The following PRH1 variants were observed in gnomAD, a reference collection of about 807,000 sequenced individuals.
PRH1 encodes proline rich protein HaeIII subfamily 1, also known as salivary acidic proline-rich phosphoprotein 1/2.
In PRH1, 7 loss-of-function variants were observed where a neutral mutation model predicts 7.9. That is an observed-to-expected ratio of 0.89 (90% CI 0.50 to 1.67). The LOEUF (loss-of-function observed/expected upper bound fraction) is 1.67, where lower values mean the gene tolerates loss of function less well. Ranked by LOEUF, PRH1 falls within the 40% of genes most tolerant of loss-of-function variation. PRH1 has a pLI of 0.00. For missense variants in PRH1, 109 were observed against 223.6 expected, an observed-to-expected ratio of 0.49 and a Z score of 3.27; for synonymous variants, 45 against 80.8, an observed-to-expected ratio of 0.56 and a Z score of 2.38.
intron 1 of PRH1, among the ~76,000 whole-genome samples, chr12:11,111,423 G>A (rs780995418): frequency 6.6e-5 from 10 of 152,106 alleles, no homozygotes; most frequent in Non-Finnish European, 8.8e-5. Flanking sequence ...CTCAGCAAAT[G>A]CAAAACAAAA....
chr12:11,025,175 G>A (rs1227509195), intron 1 of PRH1, among the ~76,000 whole-genome samples: 5 of 152,010 alleles, frequency 3.3e-5, no homozygotes, highest in African/African-American at 4.8e-5. Context: ...CCGCCACCAC[G>A]CCAGGCTAAT....
intron 2 of PRH1, among the ~76,000 whole-genome samples, chr12:10,905,402 C>T (rs1011728674): frequency 1.3e-5 from 2 of 152,140 alleles, no homozygotes; most frequent in Non-Finnish European, 2.9e-5. Context: ...CACAGTGGCT[C>T]ATGCCTGTAA....
chr12:11,031,508 A>C, intron 1 of PRH1: 1 of 737,224 alleles, frequency 1.4e-6, no homozygotes. Flanking sequence ...AGCAAGGTTT[A>C]TTGAGAAGAG....
At position 10,912,442 on chromosome 12, in the gene PRH1, C is replaced by G. The variant is rs1381152653; in HGVS notation, c.-58-28167G>C. Reference sequence around the variant, plus strand: ...AATTTTTAATACCAACAGAATATATCCTTTAAATTCTTCATATTATTTGCT... The same window carrying G: ...AATTTTTAATACCAACAGAATATATGCTTTAAATTCTTCATATTATTTGCT... On this transcript the variant is annotated intron_variant, in intron 2 of 3. Coordinates refer to the PRH1 transcript ENST00000539853. Among the ~76,000 whole-genome samples the G allele has an allele frequency of 2.6e-5, 4 of 151,604 alleles. No homozygotes were observed. The East Asian group carries it at 7.7e-4, about 29-fold the overall frequency.
At chr12:10,976,943 A>T (rs1490090296) in intron 1 of PRH1, among the ~76,000 whole-genome samples, 1 of 152,168 alleles carries the variant, frequency 6.6e-6, no homozygotes, top group Non-Finnish European at 1.5e-5. Context: ...AACCAAAAAA[A>T]GCCCAGGACC....
chr12:10,896,759 T>TGAAA (rs1397563971), intron 2 of PRH1: 1 of 45,708 alleles, frequency 2.2e-5, no homozygotes, highest in Non-Finnish European at 6.4e-5. Flanking sequence ...GAGATCCGTC[T>TGAAA]CAAAAAAAAA....
At chr12:11,100,907 G>A (rs1396249035) in intron 1 of PRH1, among the ~76,000 whole-genome samples, 3 of 152,098 alleles carry the variant, frequency 2.0e-5, no homozygotes, top group Non-Finnish European at 2.9e-5. Flanking sequence ...CACAGGAATA[G>A]TATAGTGAAA....
intron 1 of PRH1, among the ~76,000 whole-genome samples, chr12:11,067,994 T>G (rs1426294219): frequency 6.6e-6 from 1 of 151,916 alleles, no homozygotes; most frequent in Non-Finnish European, 1.5e-5. Context: ...TAATTTTATA[T>G]GTAGGAATGT....
chr12:10,930,310 T>A (rs543930742), intron 2 of PRH1: 3 of 1,610,596 alleles, frequency 1.9e-6, no homozygotes, highest in South Asian at 1.1e-5. Context: ...ATCAGGTAAA[T>A]CCCAATAAAT....
rs149943905 is a variant in PRH1, at chr12:10,999,382, A to T, written c.-125-25661T>A. 1.7e-4 allele frequency among the ~76,000 whole-genome samples: 26 copies of T among 152,284 alleles called. No homozygotes were observed. The East Asian group carries it at 3.9e-3, about 23-fold the overall frequency. On this transcript the variant is annotated intron_variant, in intron 1 of 3. Transcript: ENST00000539853. ...GCATCTCAAATTTCTCCATTTTGCA[A>T]CTAAAATAAGAATTCACTTTAGCTC...
chr12:10,893,989 G>A (rs1949611456), intron 2 of PRH1, among the ~76,000 whole-genome samples: 1 of 151,860 alleles, frequency 6.6e-6, no homozygotes, highest in Non-Finnish European at 1.5e-5. Context: ...ATTCAATTCT[G>A]TAAACTGATT....
intron 1 of PRH1, among the ~76,000 whole-genome samples, chr12:11,141,506 T>G (rs1294872261): frequency 6.6e-6 from 1 of 152,196 alleles, no homozygotes; most frequent in Non-Finnish European, 1.5e-5. Context: ...AAGAGAGGAT[T>G]TTGGAGTCAG....
chr12:11,168,884 A>G (rs1947718550), intron 1 of PRH1, among the ~76,000 whole-genome samples: 1 of 152,270 alleles, frequency 6.6e-6, no homozygotes, highest in South Asian at 2.1e-4. Context: ...AAAATGGCTG[A>G]GAAAAATTAG....
In PRH1 at chr12:11,056,909, C is replaced by T. The variant is rs114280138; in HGVS notation, n.124-9721G>A. ...ACATACTATTTGTATAACTGCTTTCCATTTTACCTTTTTGCTATAGGCAGG... is the reference window on the plus strand; with the variant it reads ...ACATACTATTTGTATAACTGCTTTCTATTTTACCTTTTTGCTATAGGCAGG... On this transcript the variant is annotated intron_variant and non_coding_transcript_variant, in intron 1 of 4. Transcript: ENST00000541977. Among the ~76,000 whole-genome samples, 1,168 of 152,368 alleles carry T rather than the reference C, an allele frequency of 7.7e-3. 13 individuals carry two copies. Among genetic ancestry groups the T allele is most frequent in the African/African-American group, 0.027 (1,124 of 41,570 alleles).
At chr12:11,158,361 AACTT>A (rs1007308081) in intron 1 of PRH1, among the ~76,000 whole-genome samples, 3 of 151,810 alleles carry the variant, frequency 2.0e-5, no homozygotes, top group African/African-American at 4.8e-5. Context: ...TGCTTTAACA[AACTT>A]ACTTAATTAT....
intron 1 of PRH1, among the ~76,000 whole-genome samples, chr12:11,064,963 G>C (rs1943749793): frequency 6.6e-6 from 1 of 151,852 alleles, no homozygotes; most frequent in Admixed American, 6.6e-5. Context: ...TTTGATCCCG[G>C]GAGTTCCAGA....
At chr12:11,160,080 T>G (rs1021659277) in intron 1 of PRH1, among the ~76,000 whole-genome samples, 1 of 152,148 alleles carries the variant, frequency 6.6e-6, no homozygotes, top group Non-Finnish European at 1.5e-5. Context: ...GAGAGATCAT[T>G]TTTCACTAAT....
upstream of PRH1, among the ~76,000 whole-genome samples, chr12:10,886,535 G>T (rs1251388538): frequency 2.6e-5 from 4 of 152,198 alleles, no homozygotes; most frequent in Admixed American, 6.5e-5. Context: ...GGTAATGGAA[G>T]AGCTGAAAGG....
intron 2 of PRH1, among the ~76,000 whole-genome samples, chr12:10,894,618 T>C (rs1191575415): frequency 6.6e-6 from 1 of 152,192 alleles, no homozygotes; most frequent in Non-Finnish European, 1.5e-5. Flanking sequence ...ATTCTTGATG[T>C]ATTTCTATTC....
Sources: allele counts gnomAD v4.1 joint callset (sites outside exome capture counted in the v4.1 genomes callset), GRCh38; gene constraint gnomAD v4.1.1; transcripts MANE v1.5; gene names NCBI Gene and HGNC (gene_info 2026-07-23, HGNC 2026-07-21).